ADGRD1: variants seen among roughly 807,000 people sequenced by gnomAD.
ADGRD1 encodes adhesion G protein-coupled receptor D1.
A neutral mutation model predicts 113.4 loss-of-function variants in ADGRD1; 77 were observed. The observed-to-expected ratio is 0.68, with a 90% CI of 0.57 to 0.82. The LOEUF (loss-of-function observed/expected upper bound fraction) is 0.82, where lower values mean the gene tolerates loss of function less well. Among genes scored for constraint, ADGRD1 ranks in the 40% least tolerant of loss-of-function variants. The pLI, the probability that ADGRD1 is intolerant of heterozygous loss-of-function variation, is 0.00. For missense variants in ADGRD1, 1,036 were observed against 1,139.1 expected (o/e 0.91, Z 1.30); for synonymous variants, 474 against 475.0 (o/e 1.00, Z 0.03).
chr12:131,118,953 A>G (rs1328995497), intron 19 of ADGRD1, among the ~76,000 whole-genome samples: 1 of 152,126 alleles, frequency 6.6e-6, no homozygotes, highest in Non-Finnish European at 1.5e-5. Context: ...GATGGACCTT[A>G]TGATGTCCAG....
At chr12:131,006,526 C>T (rs948348625) in intron 12 of ADGRD1, among the ~76,000 whole-genome samples, 13 of 152,206 alleles carry the variant, frequency 8.5e-5, no homozygotes, top group African/African-American at 1.4e-4. Flanking sequence ...CCGAGGACGC[C>T]GTCTAGACCT....
chr12:131,098,135 C>T (rs1214527980), intron 15 of ADGRD1, among the ~76,000 whole-genome samples: 3 of 145,490 alleles, frequency 2.1e-5, no homozygotes, highest in Non-Finnish European at 3.1e-5. Context: ...TGTCCTCCCG[C>T]GGTGGCCGCT....
At chr12:131,108,512 C>T (rs144628704) in intron 17 of ADGRD1, among the ~76,000 whole-genome samples, 55 of 152,310 alleles carry the variant, frequency 3.6e-4, no homozygotes, top group Middle Eastern at 3.4e-3. Flanking sequence ...ATCACCATCC[C>T]TGGGGGCAAC....
intron 12 of ADGRD1, among the ~76,000 whole-genome samples, chr12:131,009,198 A>G (rs974232542): frequency 2.0e-5 from 3 of 152,226 alleles, no homozygotes; most frequent in African/African-American, 7.2e-5. Context: ...CTGTCACGTC[A>G]TGGGAGACGT....
At chr12:130,972,642 C>T (rs374386735) in intron 4 of ADGRD1, among the ~76,000 whole-genome samples, 12 of 152,004 alleles carry the variant, frequency 7.9e-5, no homozygotes, top group East Asian at 3.9e-4. Flanking sequence ...ACCATGGGCT[C>T]GGCGTGAGCT....
rs1269938654 is a variant in ADGRD1, at chr12:131,060,299, T to C, written c.1474-16502T>C. ...ATAGAGGCTGGGTGGGGCCACACTTTCTCCCGTGGTATTTGGAGTAGCTAA... is the reference window on the plus strand; with the variant it reads ...ATAGAGGCTGGGTGGGGCCACACTTCCTCCCGTGGTATTTGGAGTAGCTAA... On this transcript the variant is annotated intron_variant, in intron 13 of 24. Coordinates refer to ENST00000261654, the MANE Select transcript of ADGRD1 (RefSeq NM_198827.5). This position sits in a 1 kb window ranked among gnomAD's most constrained non-coding sequence, Gnocchi z 4.4. Among the ~76,000 whole-genome samples, 2 of 152,238 alleles carry C rather than the reference T, an allele frequency of 1.3e-5. No homozygotes were observed. The highest frequency in any genetic ancestry group is 4.8e-5 in the African/African-American group (2 of 41,466).
chr12:131,014,951 G>A (rs772361018), intron 13 of ADGRD1, among the ~76,000 whole-genome samples: 4 of 152,210 alleles, frequency 2.6e-5, no homozygotes, highest in African/African-American at 4.8e-5. Context: ...TAATGCTGCC[G>A]TTCTTTAAAA....
At position 131,085,238 on chromosome 12, in the gene ADGRD1, G is replaced by A. The variant is rs576634354; in HGVS notation, c.1671+575G>A. Among the ~76,000 whole-genome samples, 550 of 152,324 alleles carry A rather than the reference G, an allele frequency of 3.6e-3. 5 individuals are homozygous for A. Among genetic ancestry groups the A allele is most frequent in the South Asian group, 0.028 (137 of 4,822 alleles). Reference sequence around the variant, plus strand: ...ACAGCGGGGAGCGGGGCGTCTTCACGGAGCGGTGAGGAGAGGTGTCTCCGG... The same window carrying A: ...ACAGCGGGGAGCGGGGCGTCTTCACAGAGCGGTGAGGAGAGGTGTCTCCGG... On this transcript the variant is annotated intron_variant, in intron 15 of 24. Transcript: ENST00000261654.
intron 13 of ADGRD1, among the ~76,000 whole-genome samples, chr12:131,047,145 CT>C (rs1173497801): frequency 5.9e-5 from 9 of 152,214 alleles, no homozygotes; most frequent in Non-Finnish European, 7.4e-5. Flanking sequence ...AGTGTCCCCC[CT>C]AATCAGTGTT....
intron 4 of ADGRD1, among the ~76,000 whole-genome samples, chr12:130,980,173 C>G (rs918463311): frequency 2.6e-5 from 4 of 151,762 alleles, no homozygotes; most frequent in African/African-American, 7.3e-5. Flanking sequence ...GGCACAATCT[C>G]GGCTCACTGC....
rs1265729179 is a variant in ADGRD1 at position 131,140,538 on chromosome 12, CTG to C, written c.*1278_*1279del. On this transcript the variant is annotated 3_prime_UTR_variant, in exon 25 of 25. Transcript: ENST00000261654. ...ACTGTGCTGATAGCACTCGTGGTGT[CTG>C]TGAAATGTGGGTAAGACATTCAAAC... 1.3e-5 allele frequency: 2 copies of C among 151,958 alleles called. No individual in the cohort carries two copies. The highest frequency in any genetic ancestry group is 2.9e-5 in the Non-Finnish European group (2 of 68,018). 9.4% of individuals were successfully genotyped at this position (151,958 alleles called of 1,614,324 possible). A position where few individuals can be genotyped will look rare whatever the true frequency, so the allele number is the denominator to read the frequency against.
intron 13 of ADGRD1, among the ~76,000 whole-genome samples, chr12:131,049,826 T>G (rs1223183546): frequency 6.6e-6 from 1 of 152,120 alleles, no homozygotes; most frequent in African/African-American, 2.4e-5. Context: ...GGACCAGCTG[T>G]GCCTGTGAGT....
At chr12:131,059,212 G>T (rs779278631) in intron 13 of ADGRD1, among the ~76,000 whole-genome samples, 1 of 152,016 alleles carries the variant, frequency 6.6e-6, no homozygotes, top group Non-Finnish European at 1.5e-5. Context: ...GTCTCACTCC[G>T]TCACCCAGGC....
rs896644666 is a variant in ADGRD1 at position 131,097,138 on chromosome 12, G to A, written c.1672-7693G>A. On this transcript the variant is annotated intron_variant, in intron 15 of 24. Coordinates refer to ENST00000261654, the MANE Select transcript of ADGRD1 (RefSeq NM_198827.5). ...CCCTCCCGAGGGTTAGCAATTCCCT[G>A]AGTCAAATGTTCCACTCTTTGAAAG... 7.2e-5 allele frequency among the ~76,000 whole-genome samples: 11 copies of A among 152,294 alleles called. No homozygotes were observed. In the South Asian group the frequency reaches 2.1e-3, roughly 29 times the overall value.
chr12:130,987,491 AGTTG>A, intron 6 of ADGRD1, 142 bp downstream of exon 6: 1 of 844,576 alleles, frequency 1.2e-6, no homozygotes, highest in Non-Finnish European at 1.8e-6. Flanking sequence ...TTATAAACAC[AGTTG>A]TGTGTTAGAA....
At position 131,138,810 on chromosome 12, in the gene ADGRD1, C is replaced by T. The variant is rs577445724; in HGVS notation, c.2530-358C>T. Among the ~76,000 whole-genome samples the T allele has an allele frequency of 2.3e-3, 344 of 152,366 alleles. 2 individuals are homozygous for T. The highest frequency in any genetic ancestry group is 3.3e-3 in the Non-Finnish European group (223 of 68,032). On this transcript the variant is annotated intron_variant, in intron 24 of 24. Coordinates refer to ENST00000261654, the MANE Select transcript of ADGRD1 (RefSeq NM_198827.5). ...TCTAGCCCCACGGCTACAGCTGCGCCGGGTGTGTGGCACGCTCCATGAGTC... is the reference window on the plus strand; with the variant it reads ...TCTAGCCCCACGGCTACAGCTGCGCTGGGTGTGTGGCACGCTCCATGAGTC...
At chr12:131,103,404 G>A (rs1246004309) in intron 15 of ADGRD1, among the ~76,000 whole-genome samples, 3 of 152,252 alleles carry the variant, frequency 2.0e-5, no homozygotes, top group South Asian at 2.1e-4. Context: ...AGGCTGTGGC[G>A]TCCAGGCTGC....
intron 13 of ADGRD1, among the ~76,000 whole-genome samples, chr12:131,031,779 C>T (rs933347606): frequency 2.6e-5 from 4 of 152,208 alleles, no homozygotes; most frequent in Non-Finnish European, 4.4e-5. Context: ...CAGGAAGTGA[C>T]TTGGCTTCTC....
At chr12:131,093,852 C>T (rs1049814798) in intron 15 of ADGRD1, among the ~76,000 whole-genome samples, 14 of 152,310 alleles carry the variant, frequency 9.2e-5, no homozygotes, top group Admixed American at 3.3e-4. Flanking sequence ...TCAGTTTCCC[C>T]GCTGTGACAT....
Sources: gnomAD v4.1 joint callset for allele counts (sites outside exome capture counted in the v4.1 genomes callset) on GRCh38, gnomAD v4.1.1 for gene constraint, Gnocchi (gnomAD v3.1) non-coding constraint, MANE v1.5 for transcripts, NCBI Gene and HGNC (gene_info 2026-07-23, HGNC 2026-07-21) for gene names.